MTRF1: variants seen among roughly 807,000 people sequenced by gnomAD.
MTRF1 encodes mitochondrial translation release factor 1.
Under a neutral mutation model 62.9 loss-of-function variants are expected in MTRF1, and 51 were observed. The ratio of observed to expected loss-of-function variants is 0.81; its 90% CI spans 0.65 to 1.02. The LOEUF is 1.02. Among genes scored for constraint, MTRF1 ranks in the 50% least tolerant of loss-of-function variants. The probability of loss-of-function intolerance (pLI) is 0.00; values close to 1 mark genes in which losing one functional copy is unlikely to be tolerated. For missense variants in MTRF1, 446 were observed against 530.0 expected (o/e 0.84, Z 1.56); for synonymous variants, 158 against 181.9 (o/e 0.87, Z 1.06).
intron 7 of MTRF1, among the ~76,000 whole-genome samples, chr13:41,230,906 G>A (rs1031751097): frequency 2.0e-5 from 3 of 151,880 alleles, no homozygotes; most frequent in Non-Finnish European, 4.4e-5. Flanking sequence ...TGTATTTTTA[G>A]TAGAGACAGG....
chr13:41,273,262 G>C, the MTRF1 span, among the ~76,000 whole-genome samples: 666 of 151,704 alleles, frequency 4.4e-3, 8 homozygotes, highest in African/African-American at 9.8e-3. Flanking sequence ...GGTGGCGGAG[G>C]TTGCAGTGAG....
intron 5 of MTRF1, among the ~76,000 whole-genome samples, chr13:41,243,308 C>T (rs2037780310): frequency 1.4e-5 from 2 of 147,854 alleles, no homozygotes; most frequent in Admixed American, 1.4e-4. Flanking sequence ...ACTTGGGAGG[C>T]TGACATGAGA....
chr13:41,262,779 A>C (rs1460665378), intron 1 of MTRF1, among the ~76,000 whole-genome samples: 2 of 152,220 alleles, frequency 1.3e-5, no homozygotes, highest in East Asian at 3.8e-4. Context: ...TGGGCAACAC[A>C]GTGAGACTCA....
At chr13:41,246,944 TG>T (rs1185807470) in intron 5 of MTRF1, among the ~76,000 whole-genome samples, 1 of 152,244 alleles carries the variant, frequency 6.6e-6, no homozygotes, top group Non-Finnish European at 1.5e-5. Flanking sequence ...TTCCACGCTT[TG>T]GTTTCCTTAT....
At chr13:41,236,516 AAGTAACT>A (rs1298552241) in intron 6 of MTRF1, 1 of 152,228 alleles carries the variant, frequency 6.6e-6, no homozygotes, top group African/African-American at 2.4e-5. Flanking sequence ...TCTCTTTGAA[AAGTAACT>A]AGTAACTGGG....
chr13:41,257,822 G>T (rs1020846088), intron 2 of MTRF1: 5 of 441,630 alleles, frequency 1.1e-5, no homozygotes, highest in African/African-American at 8.0e-5. Context: ...AAGGGGGAGG[G>T]GGAATAATCA....
chr13:41,270,139 A>G, the MTRF1 span, among the ~76,000 whole-genome samples: 1 of 152,238 alleles, frequency 6.6e-6, no homozygotes, highest in African/African-American at 2.4e-5. Context: ...TGTAACCCCT[A>G]TGCAAAATTT....
the MTRF1 span, among the ~76,000 whole-genome samples, chr13:41,305,200 G>T: frequency 6.6e-6 from 1 of 152,116 alleles, no homozygotes; most frequent in Admixed American, 6.6e-5. Flanking sequence ...GGGACTACAG[G>T]CATATGCCAC....
chr13:41,265,757 T>G (rs75716125), upstream of MTRF1, among the ~76,000 whole-genome samples: 355 of 152,308 alleles, frequency 2.3e-3, 6 homozygotes, highest in East Asian at 0.042. Flanking sequence ...AAACCTACAT[T>G]GCTGCCACCT....
chr13:41,289,132 T>TA, the MTRF1 span, among the ~76,000 whole-genome samples: 2 of 151,582 alleles, frequency 1.3e-5, no homozygotes, highest in African/African-American at 4.8e-5. Flanking sequence ...AGCAAAAATT[T>TA]AAAAAAAAAT....
At chr13:41,247,070 C>T (rs2038365031) in intron 5 of MTRF1, among the ~76,000 whole-genome samples, 1 of 152,234 alleles carries the variant, frequency 6.6e-6, no homozygotes, top group Non-Finnish European at 1.5e-5. Context: ...GCATACAACA[C>T]AGCCTTGAAA....
intron 7 of MTRF1, among the ~76,000 whole-genome samples, chr13:41,228,930 G>A (rs1349564752): frequency 1.3e-5 from 2 of 152,222 alleles, no homozygotes; most frequent in African/African-American, 4.8e-5. Flanking sequence ...TGGGAGAAAT[G>A]GAAGAAAGGC....
chr13:41,274,224 G>A, the MTRF1 span, among the ~76,000 whole-genome samples: 1 of 152,142 alleles, frequency 6.6e-6, no homozygotes, highest in African/African-American at 2.4e-5. Flanking sequence ...GTAGGCTAAG[G>A]TGCTACTGGA....
At chr13:41,237,809 A>G (rs1424244206) in intron 6 of MTRF1, among the ~76,000 whole-genome samples, 1 of 152,146 alleles carries the variant, frequency 6.6e-6, no homozygotes, top group Non-Finnish European at 1.5e-5. Context: ...CTGACTATAC[A>G]TTCTTGGTAG....
rs183008589 is a variant in MTRF1, at chr13:41,249,243, A to G, written c.697+3402T>C. On this transcript the variant is annotated intron_variant, in intron 5 of 9. Transcript: ENST00000379480. ...TTTCTTCTCCTAACTGCTTCTAATA[A>G]AGAAATCAATTTTTTAGGCCGGGCG... 3.2e-3 allele frequency among the ~76,000 whole-genome samples: 492 copies of G among 152,208 alleles called. 2 individuals are homozygous for G. The highest frequency in any genetic ancestry group is 0.011 in the African/African-American group (450 of 41,530).
In MTRF1 at chr13:41,233,978, C is replaced by A. The variant is rs1267205564; in HGVS notation, c.900G>T (p.Leu300Phe). 1 of 1,613,952 alleles carries A rather than the reference C, an allele frequency of 6.2e-7. No individual in the cohort carries two copies. Among genetic ancestry groups the A allele is most frequent in the Non-Finnish European group, 8.5e-7 (1 of 1,179,950 alleles). ...CTTTGGCTCGAAATGTATCTATTCG[C>A]AAATCCTTGGGGTCCAATTTCACAT... ...EVDVKLDPKDLRIDTFRAKGA... is the reference protein window; with the variant it reads ...EVDVKLDPKDFRIDTFRAKGA... The change falls in exon 7 of 10, where the codon TTG becomes TTT. Residue 300 changes from leucine (L) to phenylalanine (F), a missense_variant. Leu to Phe is a conservative substitution (Grantham distance 22). Coordinates refer to ENST00000379480, the MANE Select transcript of MTRF1 (RefSeq NM_004294.4).
At chr13:41,311,699 T>C in the MTRF1 span, 3 of 946,702 alleles carry the variant, frequency 3.2e-6, no homozygotes, top group Non-Finnish European at 4.8e-6. Flanking sequence ...CCCACCGCTC[T>C]TTGTTTACCT....
At chr13:41,291,731 G>A in the MTRF1 span, among the ~76,000 whole-genome samples, 7 of 152,188 alleles carry the variant, frequency 4.6e-5, no homozygotes, top group South Asian at 1.4e-3. Context: ...AACAGCTACA[G>A]AACAAGAATA....
In MTRF1 at chr13:41,241,067, C is replaced by G. The variant is rs546347594; in HGVS notation, c.698-634G>C. ...TGTTCTTTTTTTGTTGTTGTTGAGA[C>G]AGAGTCTTGCACTGTCACTGGGGCT... On this transcript the variant is annotated intron_variant, in intron 5 of 9. Transcript: ENST00000379480. 1.8e-3 allele frequency among the ~76,000 whole-genome samples: 273 copies of G among 152,232 alleles called. 1 individual carries two copies. The highest frequency in any genetic ancestry group is 3.1e-3 in the Admixed American group (48 of 15,286).
Sources: allele counts gnomAD v4.1 joint callset (sites outside exome capture counted in the v4.1 genomes callset), GRCh38; gene constraint gnomAD v4.1.1; transcripts MANE v1.5; gene names NCBI Gene and HGNC (gene_info 2026-07-23, HGNC 2026-07-21).